Variants in TMEM181 observed in about 807,000 individuals in gnomAD.
The protein encoded by TMEM181 is G protein-coupled receptor 178.
In TMEM181, 39 loss-of-function variants were observed where a neutral mutation model predicts 71.9. That is an observed-to-expected ratio of 0.54 (90% CI 0.42 to 0.71). TMEM181 has a LOEUF of 0.71. Among genes scored for constraint, TMEM181 ranks in the 30% least tolerant of loss-of-function variants. TMEM181 has a pLI of 0.00. For synonymous variants in TMEM181, 245 were observed against 228.8 expected, an observed-to-expected ratio of 1.07 and a Z score of -0.64; for missense variants, 595 against 583.0, an observed-to-expected ratio of 1.02 and a Z score of -0.21.
chr6:158,622,909 C>A (rs1229266243), intron 10 of TMEM181, among the ~76,000 whole-genome samples: 1 of 152,200 alleles, frequency 6.6e-6, no homozygotes, highest in South Asian at 2.1e-4. Flanking sequence ...AAGCCCTATG[C>A]CCGCTCCCAC....
At chr6:158,580,839 C>A (rs1050122868) in intron 2 of TMEM181, 101 bp from the exon 3 acceptor site, 21 of 1,033,304 alleles carry the variant, frequency 2.0e-5, no homozygotes, top group Non-Finnish European at 3.0e-5. Flanking sequence ...GAATTAAGGT[C>A]ATCTCCGTGT....
chr6:158,624,397 G>A (rs1404433434), intron 11 of TMEM181, among the ~76,000 whole-genome samples: 1 of 152,224 alleles, frequency 6.6e-6, no homozygotes. Flanking sequence ...ACTGTAAGAG[G>A]GGAGCTCTGG....
intron 13 of TMEM181, chr6:158,626,389 A>T (rs766728909): frequency 1.2e-4 from 54 of 456,602 alleles, no homozygotes; most frequent in South Asian, 8.4e-4. Context: ...TAAAATCAGA[A>T]TCCAGAGGAG....
Position 158,635,147 on chromosome 6 carries a change from A to C in TMEM181, c.*3259A>C, listed in dbSNP as rs575182177. 1 of 152,230 alleles carries C rather than the reference A, an allele frequency of 6.6e-6. No homozygotes were observed. The highest frequency in any genetic ancestry group is 1.5e-5 in the Non-Finnish European group (1 of 68,036). The allele number at this position is 152,230 out of a possible 1,614,324, so 9.4% of individuals were successfully genotyped here. ...TTGGAGATACGCTAGTAACTGTGAT[A>C]CCATACTATAAAACAGAAGAATTTT... On this transcript the variant is annotated 3_prime_UTR_variant, in exon 17 of 17. Coordinates refer to ENST00000684151, the MANE Select transcript of TMEM181 (RefSeq NM_001376852.1).
intron 10 of TMEM181, chr6:158,609,756 G>A: frequency 3.9e-6 from 1 of 258,760 alleles, no homozygotes. Flanking sequence ...GCCAGGGTGT[G>A]GGAGACTAGA....
intron 1 of TMEM181, among the ~76,000 whole-genome samples, chr6:158,548,802 A>G (rs1781626657): frequency 6.6e-6 from 1 of 152,332 alleles, no homozygotes; most frequent in Non-Finnish European, 1.5e-5. Context: ...ATAGGAGACA[A>G]TGATGGAGAG....
intron 16 of TMEM181, 47 bp downstream of exon 16, chr6:158,631,436 CA>C: frequency 1.3e-6 from 2 of 1,582,232 alleles, no homozygotes; most frequent in Non-Finnish European, 1.7e-6. Context: ...GGCATCCCGG[CA>C]CGGCCTTGCA....
At chr6:158,544,281 G>A (rs1017540428) in intron 1 of TMEM181, among the ~76,000 whole-genome samples, 1 of 151,632 alleles carries the variant, frequency 6.6e-6, no homozygotes, top group Non-Finnish European at 1.5e-5. Flanking sequence ...CTCAGGAGCT[G>A]TTGGGTCAGA....
chr6:158,593,296 G>A (rs77155296), intron 6 of TMEM181, among the ~76,000 whole-genome samples: 2,460 of 152,270 alleles, frequency 0.016, 69 homozygotes, highest in African/African-American at 0.057. Context: ...GACAAGAAAA[G>A]CACGTGAATT....
At chr6:158,539,350 C>T (rs1365233963) in intron 1 of TMEM181, among the ~76,000 whole-genome samples, 1 of 152,188 alleles carries the variant, frequency 6.6e-6, no homozygotes, top group African/African-American at 2.4e-5. Context: ...TGGATTGTCG[C>T]TGTACAAAAC....
At chr6:158,555,256 G>A (rs1481537819), upstream of TMEM181, among the ~76,000 whole-genome samples, 1 of 152,116 alleles carries the variant, frequency 6.6e-6, no homozygotes, top group Non-Finnish European at 1.5e-5. Context: ...TTATATTATT[G>A]CTCTGAGCTC....
intron 6 of TMEM181, among the ~76,000 whole-genome samples, chr6:158,596,179 A>C (rs939565110): frequency 2.0e-5 from 3 of 152,180 alleles, no homozygotes; most frequent in Non-Finnish European, 4.4e-5. Context: ...CTAGTCTCCC[A>C]AAGTGCTGGG....
In TMEM181 at chr6:158,620,973, G is replaced by A. The variant is rs1170002888; in HGVS notation, c.897-2577G>A. Among the ~76,000 whole-genome samples the A allele has an allele frequency of 3.3e-5, 5 of 152,240 alleles. No homozygotes were observed. The highest frequency in any genetic ancestry group is 2.0e-4 in the Admixed American group (3 of 15,280). On this transcript the variant is annotated intron_variant, in intron 10 of 16. Coordinates refer to ENST00000684151, the MANE Select transcript of TMEM181 (RefSeq NM_001376852.1). The surrounding 1 kb of genome is among the most constrained non-coding windows in gnomAD (Gnocchi z 4.5). ...CGGGCTAAGAGTATTTAAGCGTTCA[G>A]GGTGGGAGAGCTTATCACAGGCTCG... is the stretch of plus-strand genomic sequence containing the variant.
chr6:158,591,407 T>C (rs1036522174), intron 6 of TMEM181, among the ~76,000 whole-genome samples: 3 of 152,102 alleles, frequency 2.0e-5, no homozygotes, highest in Non-Finnish European at 4.4e-5. Context: ...ACGTCACTAG[T>C]GGTCTCTTCC....
intron 1 of TMEM181, among the ~76,000 whole-genome samples, chr6:158,545,362 T>G (rs1164157399): frequency 6.6e-6 from 1 of 152,264 alleles, no homozygotes; most frequent in East Asian, 1.9e-4. Flanking sequence ...CCCCTGGCCT[T>G]GTCCTGACTT....
intron 1 of TMEM181, among the ~76,000 whole-genome samples, chr6:158,553,927 G>A (rs552568316): frequency 5.9e-5 from 9 of 151,654 alleles, no homozygotes; most frequent in African/African-American, 1.9e-4. Context: ...TTTTTTTTGA[G>A]ACGGAGTTTT....
Position 158,620,553 on chromosome 6 carries a change from G to A in TMEM181, c.897-2997G>A, listed in dbSNP as rs779376830. Among the ~76,000 whole-genome samples the A allele has an allele frequency of 3.3e-5, 5 of 152,198 alleles. No homozygotes were observed. Among genetic ancestry groups the A allele is most frequent in the South Asian group, 2.1e-4 (1 of 4,830 alleles). ...AAAGAGGGAGCAAGGGTTAGGGAGC[G>A]AAATACCCATCGCTGGTGGTTGGAG... On this transcript the variant is annotated intron_variant, in intron 10 of 16. Transcript: ENST00000684151. The surrounding 1 kb of genome is among the most constrained non-coding windows in gnomAD (Gnocchi z 4.5).
In TMEM181 at chr6:158,608,679, T is replaced by C. The variant is rs1320563097; in HGVS notation, c.825T>C (p.Thr275=). The C allele has an allele frequency of 6.2e-7, 1 of 1,611,006 alleles. No individual in the cohort carries two copies. The highest frequency in any genetic ancestry group is 1.3e-5 in the African/African-American group (1 of 74,820). The change falls in exon 10 of 17, where the codon ACT becomes ACC. Residue 275 remains threonine, a synonymous_variant. Coordinates refer to ENST00000684151, the MANE Select transcript of TMEM181 (RefSeq NM_001376852.1). ...TTTAGGGAGAAAGAAAGTGTTTAAC[T>C]TTCTATTTGCCTAAATTCTTCATTG... ...IRVQGERKCL[T]FYLPKFFIVG...
At chr6:158,612,171 G>A (rs1785369518) in intron 10 of TMEM181, among the ~76,000 whole-genome samples, 1 of 152,174 alleles carries the variant, frequency 6.6e-6, no homozygotes, top group Admixed American at 6.5e-5. Context: ...TGTCTTATCT[G>A]TGTTTTACTG....
Sources: gnomAD v4.1 joint callset for allele counts (sites outside exome capture counted in the v4.1 genomes callset) on GRCh38, gnomAD v4.1.1 for gene constraint, Gnocchi (gnomAD v3.1) non-coding constraint, MANE v1.5 for transcripts, NCBI Gene and HGNC (gene_info 2026-07-23, HGNC 2026-07-21) for gene names.